Variants in PATJ observed in about 807,000 individuals in gnomAD.
PATJ encodes the protein inaD-like protein.
A neutral mutation model predicts 224.9 loss-of-function variants in PATJ; 190 were observed. The observed-to-expected ratio is 0.84, with a 90% CI of 0.75 to 0.95. The LOEUF (loss-of-function observed/expected upper bound fraction) is 0.95, where lower values mean the gene tolerates loss of function less well. Among genes scored for constraint, PATJ ranks in the 40% least tolerant of loss-of-function variants. PATJ has a pLI of 0.00. For synonymous variants in PATJ, 769 were observed against 820.3 expected, an observed-to-expected ratio of 0.94 and a Z score of 1.07; for missense variants, 2,121 against 2,270.3, an observed-to-expected ratio of 0.93 and a Z score of 1.34.
At chr1:62,014,963 A>G (rs1284408842) in intron 28 of PATJ, among the ~76,000 whole-genome samples, 1 of 152,158 alleles carries the variant, frequency 6.6e-6, no homozygotes, top group Non-Finnish European at 1.5e-5. Flanking sequence ...GAGAAAATAT[A>G]TAATCTAGAC....
At chr1:61,905,037 A>G (rs1303670928) in intron 24 of PATJ, among the ~76,000 whole-genome samples, 3 of 152,246 alleles carry the variant, frequency 2.0e-5, no homozygotes, top group Non-Finnish European at 2.9e-5. Context: ...CTTGGGCAAC[A>G]TAGTGAGACC....
intron 7 of PATJ, among the ~76,000 whole-genome samples, chr1:61,780,271 C>T (rs1008468497): frequency 3.9e-5 from 6 of 152,098 alleles, no homozygotes; most frequent in African/African-American, 1.4e-4. Context: ...CGAGACCAGC[C>T]TGGCCAACAT....
chr1:61,996,736 C>G (rs921975962), intron 28 of PATJ, among the ~76,000 whole-genome samples: 2 of 99,914 alleles, frequency 2.0e-5, no homozygotes, highest in South Asian at 8.1e-4. Flanking sequence ...TTTTTCTTTT[C>G]TTTTCTTTTT....
chr1:61,914,907 CT>C (rs1673233930), intron 26 of PATJ, among the ~76,000 whole-genome samples: 1 of 152,180 alleles, frequency 6.6e-6, no homozygotes, highest in Non-Finnish European at 1.5e-5. Context: ...CTATAGATTT[CT>C]TTCCTGTTCA....
chr1:61,810,856 G>A (rs1158597061), intron 14 of PATJ, among the ~76,000 whole-genome samples: 5 of 151,948 alleles, frequency 3.3e-5, no homozygotes, highest in African/African-American at 7.3e-5. Flanking sequence ...CCCGGGAGGC[G>A]GATGTTGCAA....
intron 29 of PATJ, among the ~76,000 whole-genome samples, chr1:62,031,632 G>A (rs1310364048): frequency 6.6e-6 from 1 of 152,174 alleles, no homozygotes; most frequent in Non-Finnish European, 1.5e-5. Context: ...TATGAGAGAA[G>A]GAGACATCTG....
At chr1:61,979,615 T>A (rs1290123152) in intron 27 of PATJ, among the ~76,000 whole-genome samples, 15 of 146,926 alleles carry the variant, frequency 1.0e-4, no homozygotes, top group Non-Finnish European at 3.0e-5. Context: ...ATCACACCAC[T>A]GCACTCCAGC....
intron 27 of PATJ, among the ~76,000 whole-genome samples, chr1:61,964,806 T>G (rs1188470852): frequency 1.3e-5 from 2 of 150,528 alleles, no homozygotes; most frequent in Non-Finnish European, 3.0e-5. Flanking sequence ...GAAAAAGAAA[T>G]AAAAAAGGTA....
At chr1:61,817,462 A>G (rs1349851941) in intron 14 of PATJ, among the ~76,000 whole-genome samples, 1 of 152,078 alleles carries the variant, frequency 6.6e-6, no homozygotes, top group African/African-American at 2.4e-5. Flanking sequence ...TCAGGGGTTC[A>G]AGACCAGCCT....
At chr1:61,855,962 A>G (rs1663585274) in intron 17 of PATJ, 68 bp from the exon 18 acceptor site, 1 of 1,133,482 alleles carries the variant, frequency 8.8e-7, no homozygotes, top group South Asian at 1.3e-5. Flanking sequence ...AGTCAACTCA[A>G]GCTGTCCTAA....
rs924830967 is a variant in PATJ, at chr1:62,031,475, T to C, written c.3960-6502T>C. 3.3e-5 allele frequency among the ~76,000 whole-genome samples: 5 copies of C among 152,318 alleles called. No individual in the cohort carries two copies. In the East Asian group the frequency reaches 9.6e-4, roughly 29 times the overall value. On this transcript the variant is annotated intron_variant, in intron 29 of 43. Transcript: ENST00000642238. ...AGATAAAACACCCAGGACCCACATA[T>C]GAAATGTGGACAGATTGCAGTTAAT...
chr1:61,894,272 C>CAA (rs1553194681), intron 22 of PATJ, among the ~76,000 whole-genome samples: 3,354 of 144,572 alleles, frequency 0.023, 43 homozygotes, highest in Middle Eastern at 0.046. Context: ...AAAAAAAACA[C>CAA]AAAAAAAAAA....
At chr1:61,894,270 C>CAAA (rs71050178) in intron 22 of PATJ, among the ~76,000 whole-genome samples, 5,579 of 148,600 alleles carry the variant, frequency 0.038, 120 homozygotes, top group African/African-American at 0.059. Context: ...AAAAAAAAAA[C>CAAA]ACAAAAAAAA....
chr1:62,123,242 C>G (rs983740813), intron 39 of PATJ, among the ~76,000 whole-genome samples, 184 bp downstream of exon 39: 1 of 151,978 alleles, frequency 6.6e-6, no homozygotes, highest in African/African-American at 2.4e-5. Flanking sequence ...CAGAGATGAC[C>G]TCTATGAATT....
At chr1:62,077,854 A>G (rs1329528355) in intron 31 of PATJ, among the ~76,000 whole-genome samples, 2 of 152,228 alleles carry the variant, frequency 1.3e-5, no homozygotes, top group Non-Finnish European at 2.9e-5. Context: ...TGTGATTTCA[A>G]ATATGTCACT....
rs1379810365 is a variant in PATJ at position 62,100,408 on chromosome 1, A to G, written c.4378-8029A>G. The stretch of plus-strand genomic sequence containing the variant: ...ATCCTGTGACAGAAGTTGAAGGGCA[A>G]GTGAGCACATGAGGCAGAGAGGGAG... On this transcript the variant is annotated intron_variant, in intron 33 of 43. Transcript: ENST00000642238. 5 of 718,336 alleles carry G rather than the reference A, an allele frequency of 7.0e-6. No homozygotes were observed. The African/African-American group carries it at 8.7e-5, about 13-fold the overall frequency. 44.5% of individuals were successfully genotyped at this position (718,336 alleles called of 1,614,324 possible). A position where few individuals can be genotyped will look rare whatever the true frequency, so the allele number is the denominator to read the frequency against.
intron 31 of PATJ, among the ~76,000 whole-genome samples, chr1:62,077,161 AC>A (rs1219002946): frequency 6.6e-6 from 1 of 152,178 alleles, no homozygotes; most frequent in Non-Finnish European, 1.5e-5. Context: ...TAGGAGAATG[AC>A]CTAAAAATTG....
intron 33 of PATJ, among the ~76,000 whole-genome samples, chr1:62,090,914 G>A (rs1660652785): frequency 6.6e-6 from 1 of 152,200 alleles, no homozygotes; most frequent in Non-Finnish European, 1.5e-5. Flanking sequence ...GTAAAAGATA[G>A]CTCTCCAGAC....
chr1:62,011,717 T>G lies in PATJ; in HGVS notation c.3868-6139T>G, dbSNP rs1484025928. 3.6e-5 allele frequency among the ~76,000 whole-genome samples: 4 copies of G among 112,024 alleles called. No homozygotes were observed. In the East Asian group the frequency reaches 1.0e-3, roughly 29 times the overall value. 73.5% of individuals were successfully genotyped at this position (112,024 alleles called of 152,430 possible). ...GCAGGGTTGCCACAAACTTTCCATT[T>G]GTAAAAAAAAAAAAAACAATAAAAT... On this transcript the variant is annotated intron_variant, in intron 28 of 43. Transcript: ENST00000642238.
Sources: gnomAD v4.1 joint callset for allele counts (sites outside exome capture counted in the v4.1 genomes callset) on GRCh38, gnomAD v4.1.1 for gene constraint, MANE v1.5 for transcripts, NCBI Gene and HGNC (gene_info 2026-07-23, HGNC 2026-07-21) for gene names.